Variants in NPAS3 observed in about 807,000 individuals in gnomAD.
NPAS3 encodes the protein neuronal PAS domain-containing protein 3.
Under a neutral mutation model 73.1 loss-of-function variants are expected in NPAS3, and 14 were observed. The ratio of observed to expected loss-of-function variants is 0.19; its 90% CI spans 0.13 to 0.30. The LOEUF (loss-of-function observed/expected upper bound fraction) is 0.30. NPAS3 is among the 10% of genes least tolerant of loss of function. The pLI, the probability that NPAS3 is intolerant of heterozygous loss-of-function variation, is 1.00. For synonymous variants in NPAS3, 620 were observed against 541.5 expected (o/e 1.14, Z -2.01); for missense variants, 1,096 against 1,250.0 (o/e 0.88, Z 1.86).
chr14:32,972,679 C>T (rs542964971), intron 1 of NPAS3, among the ~76,000 whole-genome samples: 1 of 152,294 alleles, frequency 6.6e-6, no homozygotes, highest in Non-Finnish European at 1.5e-5. Context: ...GTGGAACCTA[C>T]TGTAGGAGGG....
At chr14:33,511,477 G>A (rs921344509) in intron 4 of NPAS3, among the ~76,000 whole-genome samples, 5 of 151,988 alleles carry the variant, frequency 3.3e-5, no homozygotes, top group Admixed American at 6.6e-5. Flanking sequence ...AAACAAGATC[G>A]AAGGATATAA....
At chr14:33,528,958 A>G (rs1165037465) in intron 4 of NPAS3, among the ~76,000 whole-genome samples, 1 of 152,238 alleles carries the variant, frequency 6.6e-6, no homozygotes, top group East Asian at 1.9e-4. Context: ...TCGAGGTCAT[A>G]TAGTTGATGT....
At chr14:33,010,408 TCTC>T (rs756367265) in intron 1 of NPAS3, among the ~76,000 whole-genome samples, 10 of 152,162 alleles carry the variant, frequency 6.6e-5, no homozygotes, top group Non-Finnish European at 1.3e-4. Context: ...ACAAGCCAGT[TCTC>T]CTTCACACTA....
intron 6 of NPAS3, among the ~76,000 whole-genome samples, chr14:33,694,439 C>G (rs191567215): frequency 4.1e-4 from 62 of 152,206 alleles, no homozygotes; most frequent in Non-Finnish European, 4.3e-4. Context: ...TAGGAAGGAA[C>G]CTGCGTATAA....
intron 1 of NPAS3, among the ~76,000 whole-genome samples, chr14:32,976,673 C>T (rs2037692867): frequency 1.3e-5 from 2 of 152,200 alleles, no homozygotes; most frequent in Non-Finnish European, 2.9e-5. Context: ...CAACATTAGC[C>T]AGTGCTTCTT....
At chr14:33,405,377 C>A (rs527625359) in intron 4 of NPAS3, among the ~76,000 whole-genome samples, 1 of 152,194 alleles carries the variant, frequency 6.6e-6, no homozygotes, top group African/African-American at 2.4e-5. Context: ...AGTCTCCTTC[C>A]TTTCACCTCA....
At chr14:33,207,687 T>C (rs2046882558) in intron 2 of NPAS3, among the ~76,000 whole-genome samples, 1 of 152,162 alleles carries the variant, frequency 6.6e-6, no homozygotes, top group Non-Finnish European at 1.5e-5. Context: ...AGACAGAATT[T>C]ATGAGAAATG....
intron 3 of NPAS3, among the ~76,000 whole-genome samples, chr14:33,312,251 G>C (rs1396214412): frequency 1.3e-5 from 2 of 151,920 alleles, no homozygotes. Flanking sequence ...TTTATGTTTT[G>C]TATGTAAGCA....
At chr14:33,100,011 A>G (rs546060950) in intron 2 of NPAS3, among the ~76,000 whole-genome samples, 1 of 152,300 alleles carries the variant, frequency 6.6e-6, no homozygotes, top group South Asian at 2.1e-4. Context: ...GTCTTGGTTT[A>G]TGAGTAATTT....
At chr14:33,677,271 A>C (rs1219719887) in intron 6 of NPAS3, among the ~76,000 whole-genome samples, 1 of 152,174 alleles carries the variant, frequency 6.6e-6, no homozygotes, top group Non-Finnish European at 1.5e-5. Flanking sequence ...GTACTTTTTT[A>C]GAGGAGATAT....
At chr14:33,095,668 TTA>T (rs373208253) in intron 2 of NPAS3, among the ~76,000 whole-genome samples, 3,041 of 70,344 alleles carry the variant, frequency 0.043, 349 homozygotes, top group Non-Finnish European at 0.071. Context: ...TTTTATTTTT[TTA>T]TTTTTTTTTT....
intron 1 of NPAS3, among the ~76,000 whole-genome samples, chr14:32,998,087 A>G (rs1224962993): frequency 6.6e-6 from 1 of 152,238 alleles, no homozygotes; most frequent in African/African-American, 2.4e-5. Context: ...GCATGTTCAT[A>G]GCAGCACTGT....
intron 3 of NPAS3, among the ~76,000 whole-genome samples, chr14:33,293,200 A>G (rs1422089076): frequency 6.6e-6 from 1 of 152,182 alleles, no homozygotes; most frequent in Admixed American, 6.5e-5. Flanking sequence ...ATGATGAAAA[A>G]TCTTAAGATA....
chr14:33,277,478 AG>A (rs1237563883), intron 3 of NPAS3, among the ~76,000 whole-genome samples: 1 of 152,222 alleles, frequency 6.6e-6, no homozygotes, highest in African/African-American at 2.4e-5. Flanking sequence ...CAGAGAAGAA[AG>A]TCAACAAATA....
In NPAS3 at chr14:32,976,248, G is replaced by A. The variant is rs143935398; in HGVS notation, c.50+36882G>A. Among the ~76,000 whole-genome samples, 22 of 152,204 alleles carry A rather than the reference G, an allele frequency of 1.4e-4. No individual in the cohort carries two copies. The East Asian group carries it at 1.7e-3, about 12-fold the overall frequency. The stretch of plus-strand genomic sequence containing the variant: ...AGGTGGTGGGGACAGTTAGGAAGAC[G>A]GCTCTCGCACTAGGCCTCAGTGTGT... On this transcript the variant is annotated intron_variant, in intron 1 of 11. Coordinates refer to ENST00000356141, the Ensembl canonical transcript of NPAS3.
chr14:33,537,781 A>C (rs558069114), intron 4 of NPAS3, among the ~76,000 whole-genome samples: 1 of 152,260 alleles, frequency 6.6e-6, no homozygotes, highest in Admixed American at 6.5e-5. Flanking sequence ...TGAGCTCGTG[A>C]GTCACTCCAG....
At chr14:33,080,220 G>A (rs2138715925) in intron 2 of NPAS3, among the ~76,000 whole-genome samples, 1 of 151,982 alleles carries the variant, frequency 6.6e-6, no homozygotes, top group Admixed American at 6.5e-5. Flanking sequence ...CCATTCTCCT[G>A]CCTCAGCCTC....
chr14:33,719,849 C>T (rs2061057039), intron 6 of NPAS3, among the ~76,000 whole-genome samples: 2 of 152,156 alleles, frequency 1.3e-5, no homozygotes, highest in Admixed American at 6.6e-5. Context: ...GGCACTCTTT[C>T]TTCTCAAGGT....
Position 33,782,816 on chromosome 14 carries a change from T to G in NPAS3, c.1153+4244T>G, listed in dbSNP as rs187441770. Among the ~76,000 whole-genome samples the G allele has an allele frequency of 6.3e-4, 83 of 131,536 alleles. 1 individual carries two copies. The East Asian group carries it at 0.016, about 25-fold the overall frequency. The allele number at this position is 131,536 out of a possible 152,430, so 86.3% of individuals were successfully genotyped here. A position where few individuals can be genotyped will look rare whatever the true frequency, so the allele number is the denominator to read the frequency against. ...CCTATCCAACATACTTGGGGGTTGT[T>G]TTTTTTTAAAAAAAAGAAAAAAACA... On this transcript the variant is annotated intron_variant, in intron 9 of 11. Transcript: ENST00000356141.
Sources: gnomAD v4.1 joint callset for allele counts (sites outside exome capture counted in the v4.1 genomes callset) on GRCh38, gnomAD v4.1.1 for gene constraint, MANE v1.5 for transcripts, NCBI Gene and HGNC (gene_info 2026-07-23, HGNC 2026-07-21) for gene names.